PRKN: variants seen among roughly 807,000 people sequenced by gnomAD.
PRKN encodes parkin RBR E3 ubiquitin protein ligase, also known as E3 ubiquitin-protein ligase parkin.
PRKN carries 56 observed loss-of-function variants against 59.5 expected under a neutral mutation model. The observed-to-expected ratio is 0.94, with a 90% CI of 0.76 to 1.18. The LOEUF (loss-of-function observed/expected upper bound fraction) is 1.18, where lower values mean the gene tolerates loss of function less well. PRKN is among the 50% of genes most tolerant of loss of function. The pLI, the probability that PRKN is intolerant of heterozygous loss-of-function variation, is 0.00. For missense variants in PRKN, 657 were observed against 596.4 expected, an observed-to-expected ratio of 1.10 and a Z score of -1.06; for synonymous variants, 250 against 222.1, an observed-to-expected ratio of 1.13 and a Z score of -1.12.
intron 6 of PRKN, among the ~76,000 whole-genome samples, chr6:161,815,414 T>G (rs1791733686): frequency 6.6e-6 from 1 of 152,224 alleles, no homozygotes; most frequent in South Asian, 2.1e-4. Flanking sequence ...TATAGGTTAC[T>G]TAGCAGGGGA....
At chr6:162,207,294 C>G (rs560964434) in intron 3 of PRKN, among the ~76,000 whole-genome samples, 1 of 152,208 alleles carries the variant, frequency 6.6e-6, no homozygotes, top group Admixed American at 6.5e-5. Flanking sequence ...ATCGCTTGAA[C>G]CCAGGAGACG....
intron 2 of PRKN, among the ~76,000 whole-genome samples, chr6:162,400,175 C>CT: frequency 6.6e-6 from 1 of 151,720 alleles, no homozygotes; most frequent in Non-Finnish European, 1.5e-5. Context: ...CCACTGCACT[C>CT]CAGCCTGGGT....
chr6:162,341,777 G>A (rs1167947371), intron 2 of PRKN, among the ~76,000 whole-genome samples: 1 of 151,954 alleles, frequency 6.6e-6, no homozygotes, highest in East Asian at 1.9e-4. Context: ...GGATGGGAGT[G>A]GATAGCATTA....
chr6:161,685,556 T>C (rs1015701018), intron 7 of PRKN, among the ~76,000 whole-genome samples: 4 of 152,190 alleles, frequency 2.6e-5, no homozygotes, highest in African/African-American at 9.7e-5. Flanking sequence ...TCTCTTTCTA[T>C]ATAGTGCAAA....
chr6:162,712,167 T>C (rs927426507), intron 1 of PRKN, among the ~76,000 whole-genome samples: 30 of 152,196 alleles, frequency 2.0e-4, no homozygotes, highest in African/African-American at 7.0e-4. Context: ...AAGATGGGGA[T>C]GGATAGAGAC....
intron 1 of PRKN, among the ~76,000 whole-genome samples, chr6:162,498,195 T>C (rs538432900): frequency 3.2e-4 from 49 of 152,168 alleles, no homozygotes; most frequent in African/African-American, 1.2e-3. Flanking sequence ...GCTACTTACT[T>C]GACTCTACCT....
intron 10 of PRKN, among the ~76,000 whole-genome samples, chr6:161,374,106 G>A (rs1321045858): frequency 1.3e-5 from 2 of 152,194 alleles, no homozygotes; most frequent in African/African-American, 4.8e-5. Context: ...AGTGGGGTGT[G>A]CAGAGAATTG....
chr6:161,673,156 T>C (rs771516132), intron 7 of PRKN, among the ~76,000 whole-genome samples: 6 of 151,910 alleles, frequency 3.9e-5, no homozygotes, highest in Non-Finnish European at 8.8e-5. Context: ...GAGTGAATCG[T>C]AGGGAGATGG....
chr6:162,188,712 G>A (rs1242229516), intron 4 of PRKN, among the ~76,000 whole-genome samples: 1 of 151,428 alleles, frequency 6.6e-6, no homozygotes, highest in African/African-American at 2.4e-5. Flanking sequence ...AAAGCCCTAG[G>A]AAGTAAATCA....
intron 3 of PRKN, among the ~76,000 whole-genome samples, chr6:162,207,496 T>G (rs964637985): frequency 2.6e-5 from 4 of 152,160 alleles, no homozygotes; most frequent in African/African-American, 9.7e-5. Flanking sequence ...GAAATCTCCC[T>G]CTAGGGAGCC....
At chr6:162,683,474 C>T (rs1354491089) in intron 1 of PRKN, among the ~76,000 whole-genome samples, 1 of 152,118 alleles carries the variant, frequency 6.6e-6, no homozygotes, top group Non-Finnish European at 1.5e-5. Flanking sequence ...AAACCAGCAA[C>T]CTTAGTCTAT....
At chr6:161,863,383 A>G (rs568224829) in intron 6 of PRKN, among the ~76,000 whole-genome samples, 28 of 152,270 alleles carry the variant, frequency 1.8e-4, no homozygotes, top group South Asian at 1.2e-3. Context: ...TAAATTATCA[A>G]TCTGCTCAGG....
In PRKN at chr6:161,456,553, T is replaced by G. The variant is rs965310789; in HGVS notation, c.1084-69676A>C. Among the ~76,000 whole-genome samples the G allele has an allele frequency of 6.6e-6, 1 of 152,136 alleles. No individual in the cohort carries two copies. The highest frequency in any genetic ancestry group is 1.5e-5 in the Non-Finnish European group (1 of 68,026). ...TGTGATCGTGTGAGTCAATTCTCCTTAATAAATGCCCCTTCATATATTCAT... is the reference window on the plus strand; with the variant it reads ...TGTGATCGTGTGAGTCAATTCTCCTGAATAAATGCCCCTTCATATATTCAT... On this transcript the variant is annotated intron_variant, in intron 9 of 11. Coordinates refer to ENST00000366898, the MANE Select transcript of PRKN (RefSeq NM_004562.3). The surrounding 1 kb of genome is among the most constrained non-coding windows in gnomAD (Gnocchi z 4.8).
Position 161,527,848 on chromosome 6 carries a change from C to A in PRKN, c.1083+21006G>T. On this transcript the variant is annotated intron_variant, in intron 9 of 11. Coordinates refer to ENST00000366898, the MANE Select transcript of PRKN (RefSeq NM_004562.3). This position sits in a 1 kb window ranked among gnomAD's most constrained non-coding sequence, Gnocchi z 4.6. ...CTGTCTGAAGAACCCTTGCGGGAGACTGATGGACCTTCACAGACACCGTTT... is the reference window on the plus strand; with the variant it reads ...CTGTCTGAAGAACCCTTGCGGGAGAATGATGGACCTTCACAGACACCGTTT... 6.6e-6 allele frequency among the ~76,000 whole-genome samples: 1 copy of A among 152,190 alleles called. No individual in the cohort carries two copies. The highest frequency in any genetic ancestry group is 1.5e-5 in the Non-Finnish European group (1 of 68,040).
intron 2 of PRKN, among the ~76,000 whole-genome samples, chr6:162,427,798 A>G (rs1789312321): frequency 6.6e-6 from 1 of 152,028 alleles, no homozygotes; most frequent in South Asian, 2.1e-4. Context: ...GGCGCCCCAG[A>G]CCACGCCCAG....
chr6:161,710,215 T>A lies in PRKN; in HGVS notation c.871+75557A>T, dbSNP rs140835597. The stretch of plus-strand genomic sequence containing the variant: ...CCTTAAAAAAAAAGAACCTAGATAA[T>A]CTTATGTCATCCTTAAAACAATAGC... On this transcript the variant is annotated intron_variant, in intron 7 of 11. Coordinates refer to ENST00000366898, the MANE Select transcript of PRKN (RefSeq NM_004562.3). Among the ~76,000 whole-genome samples, 69 of 152,164 alleles carry A rather than the reference T, an allele frequency of 4.5e-4. No homozygotes were observed. The East Asian group carries it at 0.012, about 26-fold the overall frequency.
At chr6:162,351,061 G>A (rs1784604360) in intron 2 of PRKN, among the ~76,000 whole-genome samples, 1 of 152,058 alleles carries the variant, frequency 6.6e-6, no homozygotes, top group African/African-American at 2.4e-5. Context: ...AAGGTGGCAT[G>A]TGCCTGTAGT....
chr6:161,493,213 A>C (rs1169262149), intron 9 of PRKN, among the ~76,000 whole-genome samples: 1 of 152,244 alleles, frequency 6.6e-6, no homozygotes, highest in South Asian at 2.1e-4. Flanking sequence ...TGTCTGGCAC[A>C]CATGTAATAA....
intron 1 of PRKN, among the ~76,000 whole-genome samples, chr6:162,528,500 C>A (rs892721897): frequency 6.9e-5 from 10 of 144,832 alleles, no homozygotes; most frequent in Non-Finnish European, 1.4e-4. Flanking sequence ...TTAGAAGATT[C>A]TATTCACAAA....
Sources: allele counts gnomAD v4.1 joint callset (sites outside exome capture counted in the v4.1 genomes callset), GRCh38; gene constraint gnomAD v4.1.1; non-coding constraint Gnocchi (gnomAD v3.1); transcripts MANE v1.5; gene names NCBI Gene and HGNC (gene_info 2026-07-23, HGNC 2026-07-21).